MACO1: variants seen among roughly 807,000 people sequenced by gnomAD.
MACO1 encodes macoilin 1.
In MACO1, 14 loss-of-function variants were observed where a neutral mutation model predicts 78.7. The observed-to-expected ratio is 0.18, with a 90% CI of 0.12 to 0.28. The LOEUF is 0.28. Ranked by LOEUF, MACO1 falls within the 10% of genes least tolerant of loss-of-function variation. The probability of loss-of-function intolerance (pLI) is 1.00; values close to 1 mark genes in which losing one functional copy is unlikely to be tolerated. For missense variants in MACO1, 501 were observed against 799.0 expected (o/e 0.63, Z 4.50); for synonymous variants, 288 against 291.6 (o/e 0.99, Z 0.12).
intron 6 of MACO1, among the ~76,000 whole-genome samples, chr1:25,473,495 A>G (rs79199754): frequency 6.6e-6 from 1 of 152,088 alleles, no homozygotes; most frequent in Admixed American, 6.5e-5. Flanking sequence ...GAAAAAAAAA[A>G]TTTTTATGTT....
chr1:25,497,689 T>C (rs1557679613), intron 10 of MACO1, among the ~76,000 whole-genome samples: 1 of 152,238 alleles, frequency 6.6e-6, no homozygotes, highest in Non-Finnish European at 1.5e-5. Context: ...CTCTGTTTTG[T>C]CAGAGAACCT....
chr1:25,467,734 T>A (rs966774384), intron 6 of MACO1, among the ~76,000 whole-genome samples: 2 of 144,646 alleles, frequency 1.4e-5, no homozygotes, highest in African/African-American at 5.3e-5. Context: ...AATGATGATT[T>A]TTTTTTTTTT....
intron 10 of MACO1, among the ~76,000 whole-genome samples, chr1:25,492,378 T>G (rs2043494025): frequency 6.6e-6 from 1 of 152,110 alleles, no homozygotes; most frequent in African/African-American, 2.4e-5. Flanking sequence ...GTCTCCCTTT[T>G]TAACAGGGCA....
chr1:25,496,937 GATA>G (rs2043543136), intron 10 of MACO1, among the ~76,000 whole-genome samples: 2 of 152,182 alleles, frequency 1.3e-5, no homozygotes, highest in Admixed American at 1.3e-4. Flanking sequence ...CTATAAAATG[GATA>G]ATAATAATTC....
At chr1:25,436,776 G>A (rs953312899) in intron 1 of MACO1, among the ~76,000 whole-genome samples, 4 of 152,170 alleles carry the variant, frequency 2.6e-5, no homozygotes, top group Admixed American at 2.0e-4. Context: ...TGTCTCAGCT[G>A]ATGAGCCTTC....
At chr1:25,459,214 G>C (rs1410196781) in intron 6 of MACO1, among the ~76,000 whole-genome samples, 2 of 151,852 alleles carry the variant, frequency 1.3e-5, no homozygotes, top group Non-Finnish European at 2.9e-5. Context: ...GAGTTCTCTT[G>C]GCGTAAACAC....
At chr1:25,484,443 A>G (rs2043410719) in intron 7 of MACO1, among the ~76,000 whole-genome samples, 169 bp downstream of exon 7, 1 of 152,236 alleles carries the variant, frequency 6.6e-6, no homozygotes, top group Non-Finnish European at 1.5e-5. Context: ...TGTTTATAAA[A>G]TCTATAAAAA....
intron 6 of MACO1, among the ~76,000 whole-genome samples, chr1:25,474,371 C>A (rs931496985): frequency 6.6e-6 from 1 of 152,184 alleles, no homozygotes; most frequent in Non-Finnish European, 1.5e-5. Flanking sequence ...CTCCCTCTAG[C>A]CCTCTGGCCC....
At chr1:25,457,804 A>G (rs1478690321) in intron 5 of MACO1, among the ~76,000 whole-genome samples, 1 of 152,188 alleles carries the variant, frequency 6.6e-6, no homozygotes, top group East Asian at 1.9e-4. Context: ...AGTAGACCTT[A>G]ATAAATTGGA....
intron 1 of MACO1, among the ~76,000 whole-genome samples, chr1:25,433,566 A>C (rs1029491642): frequency 6.6e-6 from 1 of 152,156 alleles, no homozygotes; most frequent in African/African-American, 2.4e-5. Flanking sequence ...TTCATAGCCA[A>C]ACCTTTCATG....
chr1:25,461,482 C>T (rs2043171948), intron 6 of MACO1, among the ~76,000 whole-genome samples: 1 of 152,126 alleles, frequency 6.6e-6, no homozygotes, highest in African/African-American at 2.4e-5. Context: ...TTTGACCCCT[C>T]TGATTTCCAT....
intron 6 of MACO1, among the ~76,000 whole-genome samples, chr1:25,471,708 G>A (rs2124597941): frequency 6.6e-6 from 1 of 152,272 alleles, no homozygotes; most frequent in East Asian, 1.9e-4. Flanking sequence ...CAACTCAAAG[G>A]CTTTTGAAGT....
In MACO1 at chr1:25,498,524, G is replaced by A. The variant is rs891276453; in HGVS notation, c.*58G>A. 8.4e-6 allele frequency: 12 copies of A among 1,431,966 alleles called. No homozygotes were observed. Among genetic ancestry groups the A allele is most frequent in the Admixed American group, 6.8e-5 (3 of 43,908 alleles). 88.7% of individuals were successfully genotyped at this position (1,431,966 alleles called of 1,614,324 possible). A position where few individuals can be genotyped will look rare whatever the true frequency, so the allele number is the denominator to read the frequency against. On this transcript the variant is annotated 3_prime_UTR_variant, in exon 11 of 11. Coordinates refer to ENST00000374343, the MANE Select transcript of MACO1 (RefSeq NM_018202.6). ...TTACCGGAAGGCATTGCAAAGGAGC[G>A]TCTCTGGCAGTCAAGATAAAAAAAC...
chr1:25,453,163 G>A (rs1249553372), intron 3 of MACO1, among the ~76,000 whole-genome samples: 3 of 150,710 alleles, frequency 2.0e-5, no homozygotes, highest in Non-Finnish European at 3.0e-5. Context: ...CTGCCACCAC[G>A]CCCGGCTAAT....
intron 6 of MACO1, among the ~76,000 whole-genome samples, chr1:25,463,712 T>C (rs567639379): frequency 6.6e-5 from 10 of 152,372 alleles, no homozygotes; most frequent in African/African-American, 2.2e-4. Flanking sequence ...AAAAAATCAT[T>C]ACAATTTTAG....
chr1:25,492,662 T>A (rs1160822721), intron 10 of MACO1, among the ~76,000 whole-genome samples: 1 of 151,972 alleles, frequency 6.6e-6, no homozygotes, highest in African/African-American at 2.4e-5. Context: ...TTACCGTGAG[T>A]GCCATAGGGG....
At chr1:25,471,683 A>C (rs184992617) in intron 6 of MACO1, among the ~76,000 whole-genome samples, 1 of 152,340 alleles carries the variant, frequency 6.6e-6, no homozygotes, top group Non-Finnish European at 1.5e-5. Context: ...GGCACCCAGT[A>C]ATTTTATCAC....
chr1:25,441,035 T>C (rs1478551420), intron 1 of MACO1, among the ~76,000 whole-genome samples: 2 of 152,196 alleles, frequency 1.3e-5, no homozygotes, highest in Non-Finnish European at 2.9e-5. Flanking sequence ...AGGCAGAAGC[T>C]GCATTGGTTA....
At chr1:25,444,411 T>A (rs901772207) in intron 1 of MACO1, among the ~76,000 whole-genome samples, 11 of 152,028 alleles carry the variant, frequency 7.2e-5, no homozygotes, top group Non-Finnish European at 1.0e-4. Context: ...TGCCATTTTT[T>A]AAAAAGTGCT....
Sources: gnomAD v4.1 joint callset for allele counts (sites outside exome capture counted in the v4.1 genomes callset) on GRCh38, gnomAD v4.1.1 for gene constraint, MANE v1.5 for transcripts, NCBI Gene and HGNC (gene_info 2026-07-23, HGNC 2026-07-21) for gene names.